The following AFG2A variants were observed in gnomAD, a reference collection of about 807,000 sequenced individuals.
AFG2A encodes the protein ATPase family gene 2 protein homolog A.
chr4:123,090,973 GTC>G, the AFG2A span, among the ~76,000 whole-genome samples: 2 of 152,222 alleles, frequency 1.3e-5, no homozygotes, highest in Admixed American at 1.3e-4. Context: ...TTGCAAGCTA[GTC>G]TCTCAAGGTT....
At chr4:123,016,955 A>C in the AFG2A span, among the ~76,000 whole-genome samples, 1 of 152,160 alleles carries the variant, frequency 6.6e-6, no homozygotes, top group Admixed American at 6.5e-5. Context: ...CCCCGTCTCC[A>C]CCAAAAAAAT....
chr4:123,076,148 A>G, the AFG2A span, among the ~76,000 whole-genome samples: 8 of 151,788 alleles, frequency 5.3e-5, no homozygotes, highest in African/African-American at 1.7e-4. Flanking sequence ...GCACAAACCT[A>G]TAGTTCTAGC....
chr4:122,928,624 G>A, the AFG2A span, among the ~76,000 whole-genome samples: 6 of 152,274 alleles, frequency 3.9e-5, no homozygotes, highest in South Asian at 1.2e-3. Context: ...CAAAGCTCTT[G>A]TTCTGTGTCC....
the AFG2A span, among the ~76,000 whole-genome samples, chr4:122,978,681 G>A: frequency 5.8e-4 from 89 of 152,146 alleles, no homozygotes; most frequent in Non-Finnish European, 3.8e-4. Flanking sequence ...CATGCTGAGG[G>A]GCGCTTGCAG....
chr4:123,090,035 A>C, the AFG2A span, among the ~76,000 whole-genome samples: 5 of 152,204 alleles, frequency 3.3e-5, no homozygotes, highest in Admixed American at 1.3e-4. Context: ...CCTGTTTCTC[A>C]AGAAATCGGG....
chr4:123,212,583 T>C, the AFG2A span, among the ~76,000 whole-genome samples: 1 of 152,156 alleles, frequency 6.6e-6, no homozygotes, highest in Admixed American at 6.6e-5. Flanking sequence ...TCGATACTGG[T>C]TGATTTTTTA....
the AFG2A span, among the ~76,000 whole-genome samples, chr4:123,077,090 CA>C: frequency 6.8e-6 from 1 of 146,932 alleles, no homozygotes; most frequent in Non-Finnish European, 1.5e-5. Flanking sequence ...CTTTGTTGCC[CA>C]GGCTGGAGTG....
chr4:123,160,383 A>G, the AFG2A span, among the ~76,000 whole-genome samples: 5 of 152,204 alleles, frequency 3.3e-5, no homozygotes, highest in African/African-American at 1.2e-4. Flanking sequence ...CCAGCTTCTT[A>G]TATTATAATT....
At chr4:123,315,609 A>G in the AFG2A span, 2 of 152,242 alleles carry the variant, frequency 1.3e-5, no homozygotes, top group Admixed American at 6.5e-5. Flanking sequence ...ACTCTTGAAA[A>G]AGCTTTCAGA....
chr4:123,096,753 G>C, the AFG2A span, among the ~76,000 whole-genome samples: 2 of 151,988 alleles, frequency 1.3e-5, no homozygotes, highest in Non-Finnish European at 2.9e-5. Context: ...CTATGGAAAA[G>C]ATTGCCCAAT....
chr4:123,188,517 A>G, the AFG2A span, among the ~76,000 whole-genome samples: 7 of 152,352 alleles, frequency 4.6e-5, no homozygotes, highest in South Asian at 1.4e-3. Context: ...TTCGTCGATC[A>G]TAGAGCAATC....
At chr4:123,280,652 G>A in the AFG2A span, among the ~76,000 whole-genome samples, 3 of 152,160 alleles carry the variant, frequency 2.0e-5, no homozygotes, top group Non-Finnish European at 4.4e-5. Context: ...GCATCTTCAA[G>A]TATCCTTCTG....
At chr4:123,269,695 A>C in the AFG2A span, among the ~76,000 whole-genome samples, 1 of 152,304 alleles carries the variant, frequency 6.6e-6, no homozygotes, top group African/African-American at 2.4e-5. Context: ...CCAAAATAGC[A>C]CTGTACTTTG....
At chr4:123,036,108 A>T in the AFG2A span, among the ~76,000 whole-genome samples, 1 of 152,206 alleles carries the variant, frequency 6.6e-6, no homozygotes, top group East Asian at 1.9e-4. Flanking sequence ...GAATAGCAAA[A>T]ATAACACCTT....
chr4:123,027,969 T>TA, the AFG2A span, among the ~76,000 whole-genome samples: 1 of 82 alleles, frequency 0.012, no homozygotes, highest in African/African-American at 0.036. Context: ...ACAAGCAGAA[T>TA]TTTTTTTTTT....
At chr4:123,256,722 C>T in the AFG2A span, 1 of 985,370 alleles carries the variant, frequency 1.0e-6, no homozygotes, top group African/African-American at 1.7e-5. Context: ...GACCATCTGC[C>T]CTTACCTCTG....
the AFG2A span, among the ~76,000 whole-genome samples, chr4:123,242,372 A>G: frequency 1.3e-4 from 20 of 152,210 alleles, no homozygotes; most frequent in African/African-American, 4.8e-4. Context: ...CTACAAGGCT[A>G]TAGTAACCAA....
chr4:123,318,469 ATTC>A, the AFG2A span: 3 of 152,332 alleles, frequency 2.0e-5, no homozygotes, highest in African/African-American at 7.2e-5. Flanking sequence ...AAGGCATGCA[ATTC>A]TTCTATTTGA....
the AFG2A span, among the ~76,000 whole-genome samples, chr4:122,957,729 T>TG: frequency 6.6e-6 from 1 of 152,116 alleles, no homozygotes; most frequent in African/African-American, 2.4e-5. Flanking sequence ...ACATCTGTTT[T>TG]TTGTTGTTGT....
Sources: gnomAD v4.1 joint callset for allele counts (sites outside exome capture counted in the v4.1 genomes callset) on GRCh38, gnomAD v4.1.1 for gene constraint, MANE v1.5 for transcripts, NCBI Gene and HGNC (gene_info 2026-07-23, HGNC 2026-07-21) for gene names.